The following RAB3C variants were observed in gnomAD, a reference collection of about 807,000 sequenced individuals.
RAB3C encodes RAB3C, member RAS oncogene family.
A neutral mutation model predicts 26.4 loss-of-function variants in RAB3C; 17 were observed. That is an observed-to-expected ratio of 0.64 (90% CI 0.44 to 0.97). The LOEUF (loss-of-function observed/expected upper bound fraction) is 0.97. Among genes scored for constraint, RAB3C ranks in the 50% least tolerant of loss-of-function variants. RAB3C has a pLI of 0.00. For missense variants in RAB3C, 242 were observed against 281.9 expected (o/e 0.86, Z 1.01); for synonymous variants, 91 against 95.9 (o/e 0.95, Z 0.30).
intron 3 of RAB3C, among the ~76,000 whole-genome samples, chr5:58,795,996 T>C (rs892588634): frequency 6.6e-6 from 1 of 152,184 alleles, no homozygotes; most frequent in Non-Finnish European, 1.5e-5. Flanking sequence ...TGCAAATTAC[T>C]AGCTCCAGGA....
intron 3 of RAB3C, among the ~76,000 whole-genome samples, chr5:58,739,760 TCA>T (rs1212155729): frequency 6.6e-6 from 1 of 152,226 alleles, no homozygotes; most frequent in East Asian, 1.9e-4. Context: ...CAAGCATATG[TCA>T]CAGTTTCTGT....
intron 3 of RAB3C, among the ~76,000 whole-genome samples, chr5:58,749,132 A>G (rs1741466264): frequency 2.1e-5 from 3 of 145,988 alleles, no homozygotes; most frequent in Admixed American, 7.0e-5. Context: ...CCTTACTCCT[A>G]ATATATTTTA....
chr5:58,820,527 A>G (rs1743313638), intron 3 of RAB3C, among the ~76,000 whole-genome samples: 1 of 152,206 alleles, frequency 6.6e-6, no homozygotes. Flanking sequence ...TTTCAATCAT[A>G]AAATTAACCA....
At chr5:58,616,328 T>A (rs573493140) in intron 1 of RAB3C, among the ~76,000 whole-genome samples, 1 of 152,186 alleles carries the variant, frequency 6.6e-6, no homozygotes, top group Non-Finnish European at 1.5e-5. Flanking sequence ...TTGTTTCATG[T>A]TAATGTAAAT....
At position 58,693,322 on chromosome 5, in the gene RAB3C, T is replaced by TTATATATA. The variant is rs1554048040; in HGVS notation, c.253-32676_253-32669dup. ...TAATTATATAAATAAAATTAAGAAA[T>TTATATATA]TATATATATATGTGTATATATATAT... On this transcript the variant is annotated intron_variant, in intron 2 of 4. Coordinates refer to ENST00000282878, the MANE Select transcript of RAB3C (RefSeq NM_138453.4). Among the ~76,000 whole-genome samples, 65 of 75,186 alleles carry TTATATATA rather than the reference T, an allele frequency of 8.6e-4. 3 individuals carry two copies. The highest frequency in any genetic ancestry group is 3.9e-3 in the African/African-American group (59 of 15,006). The allele number at this position is 75,186 out of a possible 152,430, so 49.3% of individuals were successfully genotyped here.
At chr5:58,641,832 T>A (rs935109278) in intron 2 of RAB3C, among the ~76,000 whole-genome samples, 1 of 152,314 alleles carries the variant, frequency 6.6e-6, no homozygotes, top group African/African-American at 2.4e-5. Flanking sequence ...CTATTAACTG[T>A]TTTGTTCTTT....
intron 3 of RAB3C, among the ~76,000 whole-genome samples, chr5:58,780,868 CAT>C (rs1742255768): frequency 1.3e-5 from 2 of 151,848 alleles, no homozygotes; most frequent in Non-Finnish European, 2.9e-5. Flanking sequence ...TTAAATATAT[CAT>C]AGTAGTCACA....
chr5:58,703,762 A>T (rs1457249791), intron 2 of RAB3C, among the ~76,000 whole-genome samples: 1 of 152,128 alleles, frequency 6.6e-6, no homozygotes, highest in Non-Finnish European at 1.5e-5. Context: ...TCCCCCTTTT[A>T]ACAAATTTTG....
chr5:58,663,861 T>C (rs896002920), intron 2 of RAB3C, among the ~76,000 whole-genome samples: 2 of 152,152 alleles, frequency 1.3e-5, no homozygotes, highest in African/African-American at 2.4e-5. Context: ...AGTATGGCCA[T>C]CCTGAAAAAC....
chr5:58,710,419 C>A (rs752387692), intron 2 of RAB3C, among the ~76,000 whole-genome samples: 5 of 151,416 alleles, frequency 3.3e-5, no homozygotes, highest in Non-Finnish European at 7.4e-5. Context: ...GCCAACATTG[C>A]GAAACCCCAT....
At chr5:58,785,235 C>A (rs2112006891) in intron 3 of RAB3C, among the ~76,000 whole-genome samples, 1 of 152,326 alleles carries the variant, frequency 6.6e-6, no homozygotes, top group African/African-American at 2.4e-5. Context: ...TTAAAAGCAA[C>A]TGATGTGGGT....
chr5:58,656,056 A>T (rs1245842885), intron 2 of RAB3C, among the ~76,000 whole-genome samples: 2 of 152,104 alleles, frequency 1.3e-5, no homozygotes, highest in Non-Finnish European at 2.9e-5. Flanking sequence ...AAGTGCTGGG[A>T]TTACAAGCGT....
chr5:58,735,592 C>G (rs771820395), intron 3 of RAB3C, among the ~76,000 whole-genome samples: 6 of 152,156 alleles, frequency 3.9e-5, no homozygotes, highest in Non-Finnish European at 7.3e-5. Context: ...AAGATTGATT[C>G]TTTCTGAGGG....
chr5:58,682,976 C>T (rs959156628), intron 2 of RAB3C, among the ~76,000 whole-genome samples: 1 of 152,172 alleles, frequency 6.6e-6, no homozygotes, highest in Non-Finnish European at 1.5e-5. Flanking sequence ...ATTAAACATG[C>T]AACAAACGAT....
At chr5:58,733,255 A>G (rs1284237565) in intron 3 of RAB3C, among the ~76,000 whole-genome samples, 2 of 152,276 alleles carry the variant, frequency 1.3e-5, no homozygotes, top group Admixed American at 1.3e-4. Flanking sequence ...AACGCAGACC[A>G]TATTCATGGA....
At chr5:58,637,734 A>G (rs1327848551) in intron 2 of RAB3C, among the ~76,000 whole-genome samples, 1 of 152,142 alleles carries the variant, frequency 6.6e-6, no homozygotes, top group Non-Finnish European at 1.5e-5. Context: ...TCATTGTAGA[A>G]AATGTGCAAA....
At chr5:58,649,719 C>T (rs1416575320) in intron 2 of RAB3C, among the ~76,000 whole-genome samples, 1 of 152,154 alleles carries the variant, frequency 6.6e-6, no homozygotes, top group Non-Finnish European at 1.5e-5. Flanking sequence ...CCCTCTCAGT[C>T]TTCCTCCCAC....
intron 2 of RAB3C, among the ~76,000 whole-genome samples, chr5:58,693,533 AT>A (rs1748623593): frequency 6.6e-6 from 1 of 151,762 alleles, no homozygotes. Flanking sequence ...ACACTGCAAT[AT>A]TTTGTTTACT....
At chr5:58,732,964 A>G (rs772775092) in intron 3 of RAB3C, among the ~76,000 whole-genome samples, 2 of 152,144 alleles carry the variant, frequency 1.3e-5, no homozygotes, top group Non-Finnish European at 2.9e-5. Flanking sequence ...ATTTATTGTC[A>G]TCATTCAGAT....
Sources: gnomAD v4.1 joint callset for allele counts (sites outside exome capture counted in the v4.1 genomes callset) on GRCh38, gnomAD v4.1.1 for gene constraint, MANE v1.5 for transcripts, NCBI Gene and HGNC (gene_info 2026-07-23, HGNC 2026-07-21) for gene names.